ACTN1: variants seen among roughly 807,000 people sequenced by gnomAD.
The protein encoded by ACTN1 is actinin alpha 1.
Under a neutral mutation model 119.6 loss-of-function variants are expected in ACTN1, and 30 were observed. The ratio of observed to expected loss-of-function variants is 0.25; its 90% CI spans 0.19 to 0.34. ACTN1 has a LOEUF of 0.34. Ranked by LOEUF, ACTN1 falls within the 10% of genes least tolerant of loss-of-function variation. The pLI, the probability that ACTN1 is intolerant of heterozygous loss-of-function variation, is 1.00. For synonymous variants in ACTN1, 429 were observed against 472.6 expected, an observed-to-expected ratio of 0.91 and a Z score of 1.20; for missense variants, 764 against 1,223.4, an observed-to-expected ratio of 0.62 and a Z score of 5.60.
At position 68,879,329 on chromosome 14, in the gene ACTN1, C is replaced by T. The variant is rs891634336; in HGVS notation, c.2281-260G>A. Among the ~76,000 whole-genome samples the T allele has an allele frequency of 6.6e-6, 1 of 152,042 alleles. No individual in the cohort carries two copies. Among genetic ancestry groups the T allele is most frequent in the African/African-American group, 2.4e-5 (1 of 41,392 alleles). ...GACCACAGTGGGGTGTGATGAGCCA[C>T]AAGGGTGAGAAGCTCCCTCAGAAGT... On this transcript the variant is annotated intron_variant, in intron 18 of 21. Coordinates refer to ENST00000394419, the MANE Select transcript of ACTN1 (RefSeq NM_001130004.2). This position sits in a 1 kb window ranked among gnomAD's most constrained non-coding sequence, Gnocchi z 4.9.
intron 1 of ACTN1, among the ~76,000 whole-genome samples, chr14:68,934,192 T>C (rs934835993): frequency 6.6e-6 from 1 of 152,224 alleles, no homozygotes; most frequent in African/African-American, 2.4e-5. Context: ...ATGTATGACA[T>C]GCTAAAACAA....
In ACTN1 at chr14:68,878,559, T is replaced by TCGGGAAGG. The variant is rs2031152841; in HGVS notation, c.2362-44_2362-37dup. 6.2e-7 allele frequency: 1 copy of TCGGGAAGG among 1,611,502 alleles called. No individual in the cohort carries two copies. Among genetic ancestry groups the TCGGGAAGG allele is most frequent in the African/African-American group, 1.3e-5 (1 of 74,536 alleles). On this transcript the variant is annotated intron_variant, in intron 19 of 21. Coordinates refer to ENST00000394419, the MANE Select transcript of ACTN1 (RefSeq NM_001130004.2). This position sits in a 1 kb window ranked among gnomAD's most constrained non-coding sequence, Gnocchi z 4.4. ...CAGTGGTACCAAGACACAAGGAGGG[T>TCGGGAAGG]CGGGAAGGCAGGAAGAGGAAGGGCC...
chr14:68,943,040 CA>C (rs1303951183), intron 1 of ACTN1, among the ~76,000 whole-genome samples: 1 of 152,170 alleles, frequency 6.6e-6, no homozygotes, highest in Non-Finnish European at 1.5e-5. Context: ...CACAGATCAG[CA>C]CATTAAAAAG....
intron 1 of ACTN1, among the ~76,000 whole-genome samples, chr14:68,930,510 T>C (rs537323530): frequency 6.6e-6 from 1 of 152,254 alleles, no homozygotes; most frequent in African/African-American, 2.4e-5. Flanking sequence ...CAAGCATCCT[T>C]CATACCCTTG....
rs887149832 is a variant in ACTN1, at chr14:68,890,407, C to T, written c.1087-121G>A. 30 of 1,184,932 alleles carry T rather than the reference C, an allele frequency of 2.5e-5. No homozygotes were observed. In the Admixed American group the frequency reaches 3.9e-4, roughly 16 times the overall value. The allele number at this position is 1,184,932 out of a possible 1,614,324, so 73.4% of individuals were successfully genotyped here. On this transcript the variant is annotated intron_variant, in intron 10 of 21. Coordinates refer to ENST00000394419, the MANE Select transcript of ACTN1 (RefSeq NM_001130004.2). Reference sequence around the variant, plus strand: ...AGGAAGAGCCTCTTCCCTATCTCTGCCCCATATCCACCCTAGCCAGGCTGC... The same window carrying T: ...AGGAAGAGCCTCTTCCCTATCTCTGTCCCATATCCACCCTAGCCAGGCTGC...
chr14:68,925,546 G>A lies in ACTN1; in HGVS notation c.220+12C>T, dbSNP rs775219366. On this transcript the variant is annotated intron_variant, in intron 2 of 21. Transcript: ENST00000394419. The surrounding 1 kb of genome is among the most constrained non-coding windows in gnomAD (Gnocchi z 4.3). ...TAGACAGTATCTCGTCCTGGGCCAG[G>A]TTCCGCCTCACCTGAGATGACCTCC... 1 of 1,607,186 alleles carries A rather than the reference G, an allele frequency of 6.2e-7. No homozygotes were observed. Among genetic ancestry groups the A allele is most frequent in the East Asian group, 2.2e-5 (1 of 44,728 alleles).
intron 1 of ACTN1, among the ~76,000 whole-genome samples, chr14:68,964,498 G>A (rs1177724414): frequency 2.0e-5 from 3 of 152,172 alleles, no homozygotes; most frequent in African/African-American, 7.2e-5. Context: ...TCCAGTCAGG[G>A]CTGACAGCTG....
intron 3 of ACTN1, among the ~76,000 whole-genome samples, chr14:68,915,509 T>C (rs2034243756): frequency 6.6e-6 from 1 of 152,234 alleles, no homozygotes; most frequent in East Asian, 1.9e-4. Flanking sequence ...TAAGAATACT[T>C]CCTGTTTTGC....
At chr14:68,912,042 C>T (rs887434402) in intron 4 of ACTN1, 114 bp downstream of exon 4, 1 of 876,726 alleles carries the variant, frequency 1.1e-6, no homozygotes, top group African/African-American at 1.7e-5. Flanking sequence ...AGCAAGAAGC[C>T]CAGGACATGG....
rs560372112 is a variant in ACTN1, at chr14:68,909,138, G to A, written c.594+180C>T. ...ACACACCACGCACAAGGGTAATGAA[G>A]TTGCCCTAACAGGGAAGGTGTTTTC... On this transcript the variant is annotated intron_variant, in intron 6 of 21. Coordinates refer to ENST00000394419, the MANE Select transcript of ACTN1 (RefSeq NM_001130004.2). The surrounding 1 kb of genome is among the most constrained non-coding windows in gnomAD (Gnocchi z 4.1). Among the ~76,000 whole-genome samples the A allele has an allele frequency of 1.3e-5, 2 of 152,210 alleles. No individual in the cohort carries two copies. Among genetic ancestry groups the A allele is most frequent in the Non-Finnish European group, 2.9e-5 (2 of 68,040 alleles).
intron 8 of ACTN1, among the ~76,000 whole-genome samples, chr14:68,900,146 G>A (rs2033214725): frequency 6.6e-6 from 1 of 152,134 alleles, no homozygotes; most frequent in South Asian, 2.1e-4. Flanking sequence ...TGCCCAACCA[G>A]GCAGGGAACA....
In ACTN1 at chr14:68,922,347, G is replaced by A. The variant is rs537345991; in HGVS notation, c.221-1222C>T. On this transcript the variant is annotated intron_variant, in intron 2 of 21. Coordinates refer to ENST00000394419, the MANE Select transcript of ACTN1 (RefSeq NM_001130004.2). Reference sequence around the variant, plus strand: ...GACTTCCTGCCACAGATGGGATCTGGCTGTCAGCTCCCAGGGAAGCACAGC... The same window carrying A: ...GACTTCCTGCCACAGATGGGATCTGACTGTCAGCTCCCAGGGAAGCACAGC... Among the ~76,000 whole-genome samples the A allele has an allele frequency of 1.4e-4, 22 of 152,330 alleles. No homozygotes were observed. In the Middle Eastern group the frequency reaches 0.017, roughly 118 times the overall value.
chr14:68,971,944 A>G (rs983302427), intron 1 of ACTN1, among the ~76,000 whole-genome samples: 8 of 152,170 alleles, frequency 5.3e-5, no homozygotes, highest in African/African-American at 1.9e-4. Context: ...GCAACCTCCA[A>G]GAGTGGTACA....
chr14:68,905,880 G>A (rs779248343), intron 6 of ACTN1, among the ~76,000 whole-genome samples: 13 of 151,956 alleles, frequency 8.6e-5, no homozygotes, highest in Non-Finnish European at 1.9e-4. Context: ...CTACTCGGGA[G>A]GCTGGGACAG....
chr14:68,929,995 G>A (rs1282101673), intron 1 of ACTN1, among the ~76,000 whole-genome samples: 1 of 152,266 alleles, frequency 6.6e-6, no homozygotes, highest in Non-Finnish European at 1.5e-5. Context: ...GAATCACATT[G>A]TCCACCTTCT....
At chr14:68,955,844 C>T (rs924592353) in intron 1 of ACTN1, among the ~76,000 whole-genome samples, 1 of 152,238 alleles carries the variant, frequency 6.6e-6, no homozygotes, top group Admixed American at 6.5e-5. Context: ...AAAGCAATAA[C>T]AGATTGCCTT....
intron 1 of ACTN1, among the ~76,000 whole-genome samples, chr14:68,948,986 C>G (rs535414572): frequency 6.6e-6 from 1 of 152,176 alleles, no homozygotes; most frequent in African/African-American, 2.4e-5. Context: ...AGGGCTCTAG[C>G]GAGGAGCTGC....
intron 6 of ACTN1, among the ~76,000 whole-genome samples, chr14:68,905,031 AGGGCAG>A: frequency 6.6e-6 from 1 of 152,344 alleles, no homozygotes; most frequent in East Asian, 1.9e-4. Context: ...ACGTGTGCCA[AGGGCAG>A]GGCACTGGCC....
intron 1 of ACTN1, among the ~76,000 whole-genome samples, chr14:68,935,244 G>A (rs2035432894): frequency 6.6e-6 from 1 of 151,694 alleles, no homozygotes; most frequent in East Asian, 1.9e-4. Flanking sequence ...GGCTGGTCTC[G>A]AACTCCTGAG....
Sources: allele counts gnomAD v4.1 joint callset (sites outside exome capture counted in the v4.1 genomes callset), GRCh38; gene constraint gnomAD v4.1.1; non-coding constraint Gnocchi (gnomAD v3.1); transcripts MANE v1.5; gene names NCBI Gene and HGNC (gene_info 2026-07-23, HGNC 2026-07-21).